GNG7: variants seen among roughly 807,000 people sequenced by gnomAD.
The protein encoded by GNG7 is G protein subunit gamma 7.
GNG7 carries 1 observed loss-of-function variant against 4.0 expected under a neutral mutation model. That is an observed-to-expected ratio of 0.25 (90% CI 0.09 to 1.18). GNG7 has a LOEUF of 1.18. GNG7 is among the 50% of genes most tolerant of loss of function. The pLI, the probability that GNG7 is intolerant of heterozygous loss-of-function variation, is 0.50. For synonymous variants in GNG7, 34 were observed against 36.9 expected (o/e 0.92, Z 0.29); for missense variants, 86 against 91.9 (o/e 0.94, Z 0.26).
At chr19:2,690,749 A>G (rs1390080714) in intron 1 of GNG7, among the ~76,000 whole-genome samples, 1 of 152,010 alleles carries the variant, frequency 6.6e-6, no homozygotes, top group African/African-American at 2.4e-5. Flanking sequence ...ACGCACCACC[A>G]CGCCCAACTA....
rs1341548448 is a variant in GNG7 at position 2,648,019 on chromosome 19, C to T, written c.-134-1739G>A. Reference sequence around the variant, plus strand: ...CTCTAGCCTGGGTGACAGAACGAGACCCTGTCTCAAAAAAAAAAAAAAAAA... The same window carrying T: ...CTCTAGCCTGGGTGACAGAACGAGATCCTGTCTCAAAAAAAAAAAAAAAAA... On this transcript the variant is annotated intron_variant, in intron 1 of 4. Coordinates refer to ENST00000382159, the MANE Select transcript of GNG7 (RefSeq NM_052847.3). Among the ~76,000 whole-genome samples the T allele has an allele frequency of 5.8e-4, 64 of 110,654 alleles. 1 individual carries two copies. The highest frequency in any genetic ancestry group is 1.8e-5 in the Non-Finnish European group (1 of 56,456). The allele number at this position is 110,654 out of a possible 152,430, so 72.6% of individuals were successfully genotyped here. A position where few individuals can be genotyped will look rare whatever the true frequency, so the allele number is the denominator to read the frequency against.
intron 2 of GNG7, among the ~76,000 whole-genome samples, chr19:2,582,656 A>ATTTTTTTTT (rs35625825): frequency 9.3e-5 from 8 of 86,170 alleles, no homozygotes; most frequent in Non-Finnish European, 1.6e-4. Context: ...CTAATTGTTA[A>ATTTTTTTTT]TTTTTTTTTT....
At chr19:2,622,820 A>G (rs1981918035) in intron 2 of GNG7, among the ~76,000 whole-genome samples, 1 of 152,034 alleles carries the variant, frequency 6.6e-6, no homozygotes, top group African/African-American at 2.4e-5. Context: ...AACGCGGCAG[A>G]GAGGGGGCTT....
chr19:2,557,407 C>G lies in GNG7; in HGVS notation c.-77-2219G>C, dbSNP rs540048902. Among the ~76,000 whole-genome samples, 5 of 152,300 alleles carry G rather than the reference C, an allele frequency of 3.3e-5. No homozygotes were observed. The South Asian group carries it at 8.3e-4, about 25-fold the overall frequency. Reference sequence around the variant, plus strand: ...TGCACGCAGGAGCGAGCGCCTCCACCCAGCCCTGCATCTGAAGCAAGGTCC... The same window carrying G: ...TGCACGCAGGAGCGAGCGCCTCCACGCAGCCCTGCATCTGAAGCAAGGTCC... On this transcript the variant is annotated intron_variant, in intron 2 of 4. Transcript: ENST00000382159. The surrounding 1 kb of genome is among the most constrained non-coding windows in gnomAD (Gnocchi z 5.1).
At chr19:2,517,957 G>A (rs756738624) in intron 4 of GNG7, among the ~76,000 whole-genome samples, 1 of 152,188 alleles carries the variant, frequency 6.6e-6, no homozygotes, top group Non-Finnish European at 1.5e-5. Context: ...CCCACAGAGT[G>A]AGCCCGCCGG....
chr19:2,679,929 C>G (rs900088133), intron 1 of GNG7, among the ~76,000 whole-genome samples: 1 of 152,234 alleles, frequency 6.6e-6, no homozygotes, highest in South Asian at 2.1e-4. Flanking sequence ...AAAACAGAAC[C>G]AGTCAGTGTC....
chr19:2,650,373 G>A (rs1454901275), intron 1 of GNG7, among the ~76,000 whole-genome samples: 1 of 151,960 alleles, frequency 6.6e-6, no homozygotes, highest in African/African-American at 2.4e-5. Flanking sequence ...ATTTTTAGTA[G>A]AGACGGGGTT....
chr19:2,643,732 T>G, intron 2 of GNG7: 1 of 434,206 alleles, frequency 2.3e-6, no homozygotes, highest in South Asian at 1.7e-5. Flanking sequence ...CACCCTGCGA[T>G]GCACACTGGG....
intron 2 of GNG7, among the ~76,000 whole-genome samples, chr19:2,603,510 G>A (rs867049596): frequency 2.0e-5 from 3 of 152,214 alleles, no homozygotes; most frequent in African/African-American, 7.2e-5. Flanking sequence ...TCCAAGCAGA[G>A]TAGCCCGAGG....
intron 1 of GNG7, among the ~76,000 whole-genome samples, chr19:2,649,107 T>G (rs1289020184): frequency 1.3e-5 from 2 of 151,936 alleles, no homozygotes; most frequent in Non-Finnish European, 2.9e-5. Context: ...TAATTTTTAA[T>G]TTTTTAAAAA....
chr19:2,652,726 C>T (rs924004407), intron 1 of GNG7, among the ~76,000 whole-genome samples: 17 of 152,072 alleles, frequency 1.1e-4, no homozygotes, highest in African/African-American at 4.1e-4. Flanking sequence ...TCAGAGGATA[C>T]ATAGTTTCAG....
intron 2 of GNG7, among the ~76,000 whole-genome samples, chr19:2,613,491 C>T (rs987909427): frequency 7.0e-6 from 1 of 142,804 alleles, no homozygotes; most frequent in African/African-American, 3.0e-5. Context: ...CCAGGGGGAC[C>T]CCCAGCTCCT....
intron 1 of GNG7, among the ~76,000 whole-genome samples, chr19:2,661,326 A>AAG (rs1491476077): frequency 6.8e-6 from 1 of 146,052 alleles, no homozygotes. Flanking sequence ...GAAAGAAAGA[A>AAG]AGAAAGAAAG....
intron 2 of GNG7, among the ~76,000 whole-genome samples, chr19:2,568,828 A>T (rs1033818701): frequency 6.6e-6 from 1 of 152,038 alleles, no homozygotes; most frequent in Non-Finnish European, 1.5e-5. Context: ...ATACACACAA[A>T]TATATACACA....
At chr19:2,563,575 G>A (rs920357878) in intron 2 of GNG7, among the ~76,000 whole-genome samples, 17 of 152,146 alleles carry the variant, frequency 1.1e-4, no homozygotes, top group Non-Finnish European at 2.9e-5. Context: ...TGACTCCCGG[G>A]TTCAAGTGAT....
chr19:2,593,234 G>T (rs1393509832), intron 2 of GNG7, among the ~76,000 whole-genome samples: 1 of 152,034 alleles, frequency 6.6e-6, no homozygotes, highest in African/African-American at 2.4e-5. Flanking sequence ...TTCTGGTCTT[G>T]GTCACCAACG....
chr19:2,521,775 G>A (rs1030360038), intron 3 of GNG7, among the ~76,000 whole-genome samples: 7 of 151,694 alleles, frequency 4.6e-5, no homozygotes, highest in Non-Finnish European at 8.8e-5. Flanking sequence ...CACCACACCC[G>A]GCTAATTTTT....
intron 2 of GNG7, among the ~76,000 whole-genome samples, chr19:2,568,309 A>ACACACG (rs1411872883): frequency 0.019 from 2,818 of 146,986 alleles, 82 homozygotes; most frequent in African/African-American, 0.066. Context: ...GCACACACAT[A>ACACACG]CACACGCACA....
chr19:2,652,548 G>A (rs1875783574), intron 1 of GNG7, among the ~76,000 whole-genome samples: 1 of 152,116 alleles, frequency 6.6e-6, no homozygotes, highest in South Asian at 2.1e-4. Context: ...GAACCCGAGA[G>A]GCAGAGGTTG....
Sources: gnomAD v4.1 joint callset for allele counts (sites outside exome capture counted in the v4.1 genomes callset) on GRCh38, gnomAD v4.1.1 for gene constraint, Gnocchi (gnomAD v3.1) non-coding constraint, MANE v1.5 for transcripts, NCBI Gene and HGNC (gene_info 2026-07-23, HGNC 2026-07-21) for gene names.